The following GLI2 variants were observed in gnomAD, a reference collection of about 807,000 sequenced individuals.
GLI2 encodes GLI family zinc finger 2.
In GLI2, 22 loss-of-function variants were observed where a neutral mutation model predicts 78.9. That is an observed-to-expected ratio of 0.28 (90% CI 0.20 to 0.40). The LOEUF is 0.40. GLI2 is among the 10% of genes least tolerant of loss of function. The pLI, the probability that GLI2 is intolerant of heterozygous loss-of-function variation, is 1.00. For synonymous variants in GLI2, 974 were observed against 963.7 expected (o/e 1.01, Z -0.20); for missense variants, 2,097 against 2,213.2 (o/e 0.95, Z 1.05).
intron 3 of GLI2, among the ~76,000 whole-genome samples, chr2:120,934,047 T>G (rs920442365): frequency 6.6e-6 from 1 of 152,218 alleles, no homozygotes; most frequent in Non-Finnish European, 1.5e-5. Context: ...GAGTTCTTGT[T>G]GATTTTCAGA....
intron 1 of GLI2, among the ~76,000 whole-genome samples, chr2:120,756,258 T>C (rs1222064220): frequency 6.6e-6 from 1 of 152,224 alleles, no homozygotes; most frequent in Admixed American, 6.5e-5. Flanking sequence ...AGCAATGTTT[T>C]ATAACTTTTA....
intron 8 of GLI2, among the ~76,000 whole-genome samples, chr2:120,974,377 G>A (rs1267133687): frequency 6.6e-6 from 1 of 152,188 alleles, no homozygotes; most frequent in Non-Finnish European, 1.5e-5. Context: ...GCCAGTTTGA[G>A]AGAAAAAGAC....
intron 2 of GLI2, among the ~76,000 whole-genome samples, chr2:120,801,515 G>A (rs1684707090): frequency 6.6e-6 from 1 of 152,214 alleles, no homozygotes; most frequent in Non-Finnish European, 1.5e-5. Context: ...TTCATCTGTG[G>A]AACATCTTGA....
intron 2 of GLI2, among the ~76,000 whole-genome samples, chr2:120,907,187 A>C (rs749529836): frequency 6.6e-6 from 1 of 150,668 alleles, no homozygotes; most frequent in African/African-American, 2.4e-5. Flanking sequence ...GTCCCAGAAG[A>C]CTCCACTGCT....
At chr2:120,856,004 C>T (rs948249861) in intron 2 of GLI2, among the ~76,000 whole-genome samples, 1 of 152,184 alleles carries the variant, frequency 6.6e-6, no homozygotes, top group Non-Finnish European at 1.5e-5. Context: ...TGGATTATCT[C>T]GTGCCATCTT....
chr2:120,822,962 G>A (rs1303805279), intron 2 of GLI2, among the ~76,000 whole-genome samples: 1 of 152,150 alleles, frequency 6.6e-6, no homozygotes, highest in East Asian at 1.9e-4. Context: ...TGCAGGAGTG[G>A]TCTAGGACTG....
intron 2 of GLI2, among the ~76,000 whole-genome samples, chr2:120,919,079 T>C (rs895547): frequency 0.93 from 141,733 of 152,268 alleles, 66,039 homozygotes; most frequent in East Asian, 1. Context: ...CCAAAGATAT[T>C]GGTGTATTTT....
intron 2 of GLI2, among the ~76,000 whole-genome samples, chr2:120,825,033 A>G (rs1304053113): frequency 6.6e-6 from 1 of 152,040 alleles, no homozygotes; most frequent in East Asian, 1.9e-4. Flanking sequence ...ACAGGGTTTC[A>G]ACTTGTTGCC....
intron 12 of GLI2, among the ~76,000 whole-genome samples, chr2:120,985,197 G>A (rs932517160): frequency 3.9e-5 from 6 of 152,202 alleles, no homozygotes; most frequent in African/African-American, 1.2e-4. Context: ...AAGGATAGAC[G>A]GTACTGAGGT....
chr2:120,931,784 C>T (rs901689974), intron 3 of GLI2, among the ~76,000 whole-genome samples: 3 of 152,154 alleles, frequency 2.0e-5, no homozygotes, highest in Non-Finnish European at 1.5e-5. Flanking sequence ...TAGTTACTTC[C>T]GTGAGGGCAA....
chr2:120,877,758 A>T (rs1364282136), intron 2 of GLI2, among the ~76,000 whole-genome samples: 1 of 152,148 alleles, frequency 6.6e-6, no homozygotes, highest in African/African-American at 2.4e-5. Context: ...AGCACAATAT[A>T]CCAACGTTTT....
intron 1 of GLI2, among the ~76,000 whole-genome samples, chr2:120,745,761 ATG>A (rs1407664979): frequency 3.3e-5 from 5 of 152,192 alleles, no homozygotes; most frequent in African/African-American, 1.2e-4. Context: ...TGAAATTGTG[ATG>A]TGGGTGGGTC....
intron 1 of GLI2, among the ~76,000 whole-genome samples, chr2:120,774,447 C>CA (rs998084024): frequency 6.6e-6 from 1 of 152,168 alleles, no homozygotes; most frequent in Non-Finnish European, 1.5e-5. Context: ...ATCACCCTCT[C>CA]AAAAAACCCT....
Position 120,990,240 on chromosome 2 carries a change from C to T in GLI2, c.4275C>T (p.His1425=). Residue 1425 remains histidine (H), a synonymous_variant, in exon 14 of 14, where the codon CAC becomes CAT. Coordinates refer to ENST00000361492, the MANE Select transcript of GLI2 (RefSeq NM_001374353.1). The part of the protein sequence containing the change: ...PPQDAGGAPD[H]SMLYYYGQIH... The stretch of plus-strand genomic sequence containing the variant: ...AGGACGCAGGTGGGGCCCCGGACCA[C>T]AGCATGCTCTACTACTACGGCCAGA... The T allele has an allele frequency of 1.2e-6, 2 of 1,613,698 alleles. No individual in the cohort carries two copies. The highest frequency in any genetic ancestry group is 1.7e-6 in the Non-Finnish European group (2 of 1,180,030).
At chr2:120,766,986 T>C (rs1187029319) in intron 1 of GLI2, among the ~76,000 whole-genome samples, 1 of 152,170 alleles carries the variant, frequency 6.6e-6, no homozygotes, top group African/African-American at 2.4e-5. Context: ...CCTGTAGGAA[T>C]GTGGACACCT....
At chr2:120,976,893 C>T (rs578261944) in intron 9 of GLI2, among the ~76,000 whole-genome samples, 1 of 152,344 alleles carries the variant, frequency 6.6e-6, no homozygotes, top group African/African-American at 2.4e-5. Flanking sequence ...CGAGCTGGAG[C>T]CCCTGGTCGA....
chr2:120,872,036 G>T (rs530415537), intron 2 of GLI2, among the ~76,000 whole-genome samples: 5 of 152,366 alleles, frequency 3.3e-5, no homozygotes, highest in African/African-American at 1.2e-4. Flanking sequence ...GGAGCCACCT[G>T]TGCAGGCGGG....
intron 11 of GLI2, 111 bp downstream of exon 11, chr2:120,982,991 C>T (rs926573331): frequency 1.7e-5 from 16 of 954,252 alleles, no homozygotes; most frequent in African/African-American, 9.8e-5. Context: ...GTCCCGCCCC[C>T]GCCACTGACC....
At chr2:120,884,275 A>T (rs1424089993) in intron 2 of GLI2, among the ~76,000 whole-genome samples, 1 of 152,202 alleles carries the variant, frequency 6.6e-6, no homozygotes. Context: ...AGGCCAGCAG[A>T]GGCTGCGCGC....
Sources: allele counts gnomAD v4.1 joint callset (sites outside exome capture counted in the v4.1 genomes callset), GRCh38; gene constraint gnomAD v4.1.1; transcripts MANE v1.5; gene names NCBI Gene and HGNC (gene_info 2026-07-23, HGNC 2026-07-21).